The following LTF variants were observed in gnomAD, a reference collection of about 807,000 sequenced individuals.
The protein encoded by LTF is epididymis luminal protein 110.
LTF carries 91 observed loss-of-function variants against 87.2 expected under a neutral mutation model. The ratio of observed to expected loss-of-function variants is 1.04; its 90% CI spans 0.88 to 1.24. The LOEUF (loss-of-function observed/expected upper bound fraction) is 1.24, where lower values mean the gene tolerates loss of function less well. Ranked by LOEUF, LTF falls within the 50% of genes most tolerant of loss-of-function variation. The pLI is 0.00. For synonymous variants in LTF, 378 were observed against 356.1 expected (o/e 1.06, Z -0.69); for missense variants, 901 against 904.3 (o/e 1.00, Z 0.05).
intron 12 of LTF, among the ~76,000 whole-genome samples, chr3:46,445,075 T>G (rs1470938038): frequency 2.0e-5 from 3 of 152,144 alleles, no homozygotes; most frequent in Non-Finnish European, 4.4e-5. Flanking sequence ...GTGGGGTGAA[T>G]GGGGCATGGG....
intron 15 of LTF, 56 bp from the exon 16 acceptor site, chr3:46,438,185 A>G (rs1702432221): frequency 2.2e-6 from 3 of 1,380,502 alleles, no homozygotes; most frequent in African/African-American, 1.4e-5. Flanking sequence ...TTATGGGTTA[A>G]AGGAGGCAAA....
intron 1 of LTF, among the ~76,000 whole-genome samples, chr3:46,484,742 T>A (rs1028541869): frequency 6.6e-6 from 1 of 152,152 alleles, no homozygotes; most frequent in Non-Finnish European, 1.5e-5. Flanking sequence ...AGTCAGACAT[T>A]CCCAGCAGGT....
chr3:46,436,312 T>A, intron 16 of LTF, 83 bp from the exon 17 acceptor site: 20 of 1,263,268 alleles, frequency 1.6e-5, no homozygotes, highest in African/African-American at 2.9e-5. Flanking sequence ...TCAAAGAGAA[T>A]ACTAAGAGTT....
At chr3:46,484,104 T>C (rs1411726416) in intron 1 of LTF, among the ~76,000 whole-genome samples, 1 of 152,130 alleles carries the variant, frequency 6.6e-6, no homozygotes, top group Non-Finnish European at 1.5e-5. Context: ...TCTTGAAATA[T>C]GGCCTCCTCC....
intron 1 of LTF, among the ~76,000 whole-genome samples, chr3:46,481,640 A>C (rs1311032608): frequency 6.6e-6 from 1 of 152,138 alleles, no homozygotes; most frequent in Non-Finnish European, 1.5e-5. Flanking sequence ...AATCATAGCT[A>C]CTCGGGAGGC....
At chr3:46,452,031 C>A (rs866471893) in intron 6 of LTF, among the ~76,000 whole-genome samples, 6 of 152,166 alleles carry the variant, frequency 3.9e-5, no homozygotes, top group South Asian at 2.1e-4. Context: ...TTCTAGATAT[C>A]CAGATCACAC....
At position 46,447,363 on chromosome 3, in the gene LTF, T is replaced by G; in HGVS notation, c.1248A>C (p.Gly416=). The G allele has an allele frequency of 1.9e-6, 3 of 1,613,892 alleles. No homozygotes were observed. The highest frequency in any genetic ancestry group is 2.5e-6 in the Non-Finnish European group (3 of 1,179,896). The stretch of plus-strand genomic sequence containing the variant: ...CACATTTGCCTGCAGTGTACACATA[T>G]CCTCCATCCAAACTCATGGCATCAG... The part of the protein sequence containing the change: ...GEADAMSLDG[G]YVYTAGKCGL... The change falls in exon 10 of 17, where the codon GGA becomes GGC. Residue 416 remains glycine (G), a synonymous_variant. Transcript: ENST00000231751.
chr3:46,441,434 C>T lies in LTF; in HGVS notation c.1705G>A (p.Val569Ile). The T allele has an allele frequency of 6.2e-7, 1 of 1,613,730 alleles. No individual in the cohort carries two copies. The highest frequency in any genetic ancestry group is 8.5e-7 in the Non-Finnish European group (1 of 1,179,826). Residue 569 changes from valine to isoleucine, a missense_variant, in exon 14 of 17, where the codon GTC becomes ATC. Transcript: ENST00000231751. ...CACCTACCATCAGTGTTCTGCAAGA[C>T]AGTGACATCTTTCACAAATGCAACG... Reference protein sequence around the residue: ...GDVAFVKDVTVLQNTDGNNNE... With the variant: ...GDVAFVKDVTILQNTDGNNNE...
chr3:46,439,506 A>G lies in LTF; in HGVS notation c.1724-26T>C. On this transcript the variant is annotated intron_variant, in intron 14 of 16. Transcript: ENST00000231751. ...CTGGGGAGAAAAAGAAGGTGGCATC[A>G]TCCACGCCTCCCCTGCTTAGCCAAG... 1.9e-6 allele frequency: 3 copies of G among 1,576,832 alleles called. No homozygotes were observed. In the South Asian group the frequency reaches 3.5e-5, roughly 19 times the overall value.
At chr3:46,447,870 C>T (rs886727958) in intron 9 of LTF, among the ~76,000 whole-genome samples, 1 of 152,196 alleles carries the variant, frequency 6.6e-6, no homozygotes, top group Non-Finnish European at 1.5e-5. Flanking sequence ...GGATCATGGA[C>T]TCATCAGTAG....
intron 5 of LTF, 95 bp downstream of exon 5, chr3:46,455,200 G>T: frequency 6.8e-7 from 1 of 1,472,948 alleles, no homozygotes; most frequent in Non-Finnish European, 9.4e-7. Flanking sequence ...GTCCCCAAGA[G>T]CAGGCTGGGC....
chr3:46,469,242 C>G (rs1286009607), upstream of LTF, among the ~76,000 whole-genome samples: 1 of 152,190 alleles, frequency 6.6e-6, no homozygotes, highest in Non-Finnish European at 1.5e-5. Context: ...CCTGAGTCTC[C>G]CATTAGGCCC....
intron 1 of LTF, among the ~76,000 whole-genome samples, chr3:46,476,444 G>T (rs1441460455): frequency 1.3e-5 from 2 of 152,086 alleles, no homozygotes; most frequent in African/African-American, 2.4e-5. Flanking sequence ...TTTCTCTTTG[G>T]TTATGAATCA....
chr3:46,453,503 G>C (rs574566578), intron 6 of LTF, among the ~76,000 whole-genome samples: 1 of 152,026 alleles, frequency 6.6e-6, no homozygotes, highest in South Asian at 2.1e-4. Flanking sequence ...GTGAATGTGG[G>C]TGTTGTCTCT....
intron 1 of LTF, among the ~76,000 whole-genome samples, chr3:46,464,239 G>A (rs926599963): frequency 6.6e-6 from 1 of 152,136 alleles, no homozygotes; most frequent in African/African-American, 2.4e-5. Context: ...CTGTTTGGCT[G>A]ACATTTCCCT....
At chr3:46,448,172 T>C (rs548237740) in intron 9 of LTF, among the ~76,000 whole-genome samples, 29 of 152,274 alleles carry the variant, frequency 1.9e-4, no homozygotes, top group African/African-American at 6.7e-4. Context: ...GAGACGAGCC[T>C]GGGCAACAAA....
At chr3:46,464,117 A>C (rs1051788716) in intron 1 of LTF, among the ~76,000 whole-genome samples, 5 of 151,966 alleles carry the variant, frequency 3.3e-5, no homozygotes, top group African/African-American at 1.2e-4. Context: ...GGAGCTCCGC[A>C]CTCACGCATT....
chr3:46,440,502 A>G (rs1702492429), intron 14 of LTF, among the ~76,000 whole-genome samples: 1 of 152,200 alleles, frequency 6.6e-6, no homozygotes, highest in Non-Finnish European at 1.5e-5. Context: ...AATTGTATGC[A>G]TGTCTATGTT....
intron 16 of LTF, among the ~76,000 whole-genome samples, chr3:46,437,448 G>C (rs1048656481): frequency 1.3e-5 from 2 of 149,378 alleles, no homozygotes; most frequent in Non-Finnish European, 3.0e-5. Flanking sequence ...AGCCTCTCAA[G>C]TAGCTGGGAC....
Sources: allele counts gnomAD v4.1 joint callset (sites outside exome capture counted in the v4.1 genomes callset), GRCh38; gene constraint gnomAD v4.1.1; transcripts MANE v1.5; gene names NCBI Gene and HGNC (gene_info 2026-07-23, HGNC 2026-07-21).